The following ATPAF1 variants were observed in gnomAD, a reference collection of about 807,000 sequenced individuals.
ATPAF1 encodes the protein ATP synthase mitochondrial F1 complex assembly factor 1.
A neutral mutation model predicts 43.9 loss-of-function variants in ATPAF1; 26 were observed. That is an observed-to-expected ratio of 0.59 (90% confidence interval 0.43 to 0.82). ATPAF1 has a LOEUF of 0.82. ATPAF1 is among the 40% of genes least tolerant of loss of function. The pLI is 0.00. For missense variants in ATPAF1, 366 were observed against 435.0 expected (o/e 0.84, Z 1.41); for synonymous variants, 157 against 168.0 (o/e 0.93, Z 0.50).
At chr1:46,636,711 G>A (rs542934306) in intron 8 of ATPAF1, among the ~76,000 whole-genome samples, 1 of 151,632 alleles carries the variant, frequency 6.6e-6, no homozygotes, top group African/African-American at 2.4e-5. Flanking sequence ...GAGCCTGTCT[G>A]GGTAATGTAG....
At chr1:46,652,047 C>A (rs1676178814) in intron 6 of ATPAF1, among the ~76,000 whole-genome samples, 1 of 152,018 alleles carries the variant, frequency 6.6e-6, no homozygotes, top group Non-Finnish European at 1.5e-5. Flanking sequence ...AGAATGGATT[C>A]TGAATGTTAC....
intron 2 of ATPAF1, chr1:46,663,824 T>C: frequency 8.4e-7 from 1 of 1,192,464 alleles, no homozygotes; most frequent in Non-Finnish European, 1.1e-6. Flanking sequence ...AATTTTCTAC[T>C]GTAACTACCT....
In ATPAF1 at chr1:46,643,308, G is replaced by A. The variant is rs778518808; in HGVS notation, c.685-7C>T. ...CTGCAGCTTCCCCTCGGGTCTGCAAGGTGGAACACTTATCAAGGCTCAATA... is the reference window on the plus strand; with the variant it reads ...CTGCAGCTTCCCCTCGGGTCTGCAAAGTGGAACACTTATCAAGGCTCAATA... On this transcript the variant is annotated splice_polypyrimidine_tract_variant and splice_region_variant and intron_variant, in intron 7 of 8. Coordinates refer to ENST00000574428, the Ensembl canonical transcript of ATPAF1. 62 of 1,600,720 alleles carry A rather than the reference G, an allele frequency of 3.9e-5. No homozygotes were observed. The Middle Eastern group carries it at 4.1e-3, about 107-fold the overall frequency.
chr1:46,636,246 C>T (rs771520204), intron 8 of ATPAF1: 29 of 495,818 alleles, frequency 5.8e-5, no homozygotes, highest in South Asian at 1.5e-4. Flanking sequence ...AGACATAGAC[C>T]GTGGTTTGTT....
chr1:46,635,642 T>G (rs1675822862), exon 9 of ATPAF1: 3 of 796,710 alleles, frequency 3.8e-6, no homozygotes, highest in Admixed American at 5.1e-5. Context: ...CTGTGACTGC[T>G]TGCGACAAGC....
chr1:46,663,086 T>A (rs1275993160), intron 2 of ATPAF1, among the ~76,000 whole-genome samples: 1 of 152,232 alleles, frequency 6.6e-6, no homozygotes, highest in Non-Finnish European at 1.5e-5. Context: ...TCCAGCTTCA[T>A]CCATGTCCCT....
chr1:46,665,868 A>G (rs2148828235), intron 1 of ATPAF1: 1 of 1,409,992 alleles, frequency 7.1e-7, no homozygotes, highest in Non-Finnish European at 9.2e-7. Flanking sequence ...GTATCTCCCT[A>G]ACCTACCCTC....
At chr1:46,661,166 G>A (rs914359482) in intron 2 of ATPAF1, among the ~76,000 whole-genome samples, 4 of 151,586 alleles carry the variant, frequency 2.6e-5, no homozygotes, top group Non-Finnish European at 4.4e-5. Context: ...TCCGCCTCCC[G>A]GGTTCAAGCA....
chr1:46,638,307 G>T (rs982008426), intron 8 of ATPAF1, among the ~76,000 whole-genome samples: 1 of 152,088 alleles, frequency 6.6e-6, no homozygotes. Flanking sequence ...TGGATAAAGG[G>T]GTCCTCCTAC....
downstream of ATPAF1, chr1:46,633,718 C>A (rs1473226484): frequency 6.6e-6 from 3 of 456,032 alleles, no homozygotes; most frequent in Non-Finnish European, 1.3e-5. Context: ...AGGACAAATC[C>A]AGGAGGAATG....
intron 2 of ATPAF1, chr1:46,664,785 G>T (rs909439172): frequency 6.3e-6 from 1 of 158,436 alleles, no homozygotes; most frequent in Non-Finnish European, 1.4e-5. Flanking sequence ...TGATGGCAGA[G>T]CTGAGTAGTC....
chr1:46,658,763 A>G, intron 2 of ATPAF1, 26 bp from the exon 3 acceptor site: 5 of 1,528,030 alleles, frequency 3.3e-6, no homozygotes, highest in Non-Finnish European at 4.4e-6. Context: ...CAAGATATTA[A>G]TCTACACTTT....
intron 6 of ATPAF1, among the ~76,000 whole-genome samples, chr1:46,652,194 A>G (rs188105180): frequency 6.9e-6 from 1 of 144,928 alleles, no homozygotes; most frequent in African/African-American, 2.6e-5. Flanking sequence ...AATTAAAAAT[A>G]ATAATAAAAG....
intron 6 of ATPAF1, among the ~76,000 whole-genome samples, chr1:46,647,933 C>T (rs1020504023): frequency 6.6e-6 from 1 of 152,120 alleles, no homozygotes; most frequent in African/African-American, 2.4e-5. Context: ...ATCTGCTATT[C>T]TTTGATAAAA....
downstream of ATPAF1, chr1:46,633,910 C>T (rs1263452999): frequency 2.3e-6 from 1 of 442,792 alleles, no homozygotes; most frequent in East Asian, 7.0e-5. Context: ...CCAAAACATT[C>T]AGAAGGTCAG....
At chr1:46,662,340 A>G (rs1466568514) in intron 2 of ATPAF1, among the ~76,000 whole-genome samples, 1 of 152,204 alleles carries the variant, frequency 6.6e-6, no homozygotes, top group Non-Finnish European at 1.5e-5. Context: ...GGAAATGACA[A>G]TTGTTAAAAT....
Position 46,653,900 on chromosome 1 carries a change from G to GTGGGT in ATPAF1, c.490-38_490-34dup. The stretch of plus-strand genomic sequence containing the variant: ...AAAAAGAGAGGGGTGTCTGTGACAT[G>GTGGGT]TGGGTAATCTTTTCAACATGTGCCA... On this transcript the variant is annotated intron_variant, in intron 4 of 8. Transcript: ENST00000574428. This position sits in a 1 kb window ranked among gnomAD's most constrained non-coding sequence, Gnocchi z 4.8. 1 of 1,599,152 alleles carries GTGGGT rather than the reference G, an allele frequency of 6.3e-7. No homozygotes were observed. Among genetic ancestry groups the GTGGGT allele is most frequent in the Non-Finnish European group, 8.5e-7 (1 of 1,170,156 alleles).
intron 6 of ATPAF1, among the ~76,000 whole-genome samples, chr1:46,651,225 C>T (rs1676163150): frequency 6.6e-6 from 1 of 151,978 alleles, no homozygotes. Flanking sequence ...GTTCGATTCC[C>T]ACCTATGAGT....
At chr1:46,660,294 C>A (rs11801316) in intron 2 of ATPAF1, among the ~76,000 whole-genome samples, 39,870 of 151,988 alleles carry the variant, frequency 0.26, 5,518 homozygotes, top group East Asian at 0.38. Flanking sequence ...CATTTTCATA[C>A]CACTCATTCT....
Sources: allele counts gnomAD v4.1 joint callset (sites outside exome capture counted in the v4.1 genomes callset), GRCh38; gene constraint gnomAD v4.1.1; non-coding constraint Gnocchi (gnomAD v3.1); transcripts MANE v1.5; gene names NCBI Gene and HGNC (gene_info 2026-07-23, HGNC 2026-07-21).